DHX8: variants seen among roughly 807,000 people sequenced by gnomAD.
DHX8 encodes the protein ATP-dependent RNA helicase DHX8.
In DHX8, 67 loss-of-function variants were observed where a neutral mutation model predicts 140.7. That is an observed-to-expected ratio of 0.48 (90% CI 0.39 to 0.58). The LOEUF is 0.58. DHX8 is among the 20% of genes least tolerant of loss of function. DHX8 has a pLI of 0.00. For synonymous variants in DHX8, 533 were observed against 553.2 expected (o/e 0.96, Z 0.51); for missense variants, 887 against 1,550.7 (o/e 0.57, Z 7.19).
At chr17:43,489,652 G>A (rs1458440945) in intron 2 of DHX8, 118 bp downstream of exon 2, 3 of 652,296 alleles carry the variant, frequency 4.6e-6, no homozygotes, top group Non-Finnish European at 7.7e-6. Flanking sequence ...GTGCAGTGGC[G>A]CCACCTCAGC....
At position 43,541,872 on chromosome 17, in the gene DHX8, T is replaced by C. The variant is rs184146816; in HGVS notation, c.*21-2290T>C. On this transcript the variant is annotated intron_variant, in intron 3 of 3. Coordinates refer to the DHX8 transcript ENST00000589898. ...GACAGAAAGATGGAGAAGGAGGCAT[T>C]GTAGCTGGGAAAGATTAGGGAGGAG... Among the ~76,000 whole-genome samples the C allele has an allele frequency of 2.3e-3, 344 of 152,230 alleles. 1 individual carries two copies. Among genetic ancestry groups the C allele is most frequent in the African/African-American group, 7.9e-3 (328 of 41,544 alleles).
chr17:43,523,506 G>A (rs935857905), intron 22 of DHX8, 122 bp from the exon 23 acceptor site: 1 of 1,463,428 alleles, frequency 6.8e-7, no homozygotes, highest in Non-Finnish European at 9.2e-7. Context: ...AGTCTTATAG[G>A]TGTCAGGCAG....
At chr17:43,517,404 C>A in intron 18 of DHX8, 82 bp downstream of exon 18, 1 of 1,460,682 alleles carries the variant, frequency 6.8e-7, no homozygotes, top group Non-Finnish European at 9.2e-7. Flanking sequence ...TTTTATGAAC[C>A]TTGTTAAATA....
intron 5 of DHX8, 150 bp downstream of exon 5, chr17:43,492,442 A>C (rs1367185376): frequency 1.5e-6 from 1 of 662,850 alleles, no homozygotes; most frequent in Non-Finnish European, 2.7e-6. Flanking sequence ...CTTCCTGCTA[A>C]GTGTATGTAG....
intron 16 of DHX8, among the ~76,000 whole-genome samples, chr17:43,511,789 G>T (rs1217429718): frequency 6.7e-6 from 1 of 149,598 alleles, no homozygotes; most frequent in Non-Finnish European, 1.5e-5. Flanking sequence ...CAAGGTGGGA[G>T]GATCCCTTGA....
intron 8 of DHX8, among the ~76,000 whole-genome samples, chr17:43,494,113 G>C (rs1229707954): frequency 6.6e-6 from 1 of 152,204 alleles, no homozygotes; most frequent in African/African-American, 2.4e-5. Context: ...ATGGAGGAAG[G>C]TGAAAGGCAT....
chr17:43,527,055 T>G (rs577419849), downstream of DHX8, among the ~76,000 whole-genome samples: 2 of 152,108 alleles, frequency 1.3e-5, no homozygotes, highest in Non-Finnish European at 2.9e-5. Flanking sequence ...GCGGTTTACA[T>G]AGCAGCTGGC....
At chr17:43,489,335 T>G in intron 1 of DHX8, 114 bp from the exon 2 acceptor site, 1 of 692,692 alleles carries the variant, frequency 1.4e-6, no homozygotes, top group Non-Finnish European at 2.4e-6. Context: ...TACCAGATGG[T>G]GGTCTTTGTT....
At chr17:43,532,488 C>A (rs1438055117) in intron 2 of DHX8, among the ~76,000 whole-genome samples, 1 of 151,178 alleles carries the variant, frequency 6.6e-6, no homozygotes, top group Non-Finnish European at 1.5e-5. Flanking sequence ...CAGAGCAGGA[C>A]CCCATTTCAA....
chr17:43,520,075 C>G, intron 18 of DHX8, 55 bp from the exon 19 acceptor site: 1 of 1,597,598 alleles, frequency 6.3e-7, no homozygotes, highest in Admixed American at 1.7e-5. Context: ...TCCCCACATG[C>G]TGACACTGGC....
Position 43,491,065 on chromosome 17 carries a change from GT to G in DHX8, c.308-97del. On this transcript the variant is annotated intron_variant, in intron 3 of 22. Coordinates refer to ENST00000262415, the MANE Select transcript of DHX8 (RefSeq NM_004941.3). The stretch of plus-strand genomic sequence containing the variant: ...TAGCAAAATGCCATGTTCTGTTTCA[GT>G]TTGATACAAATCTATTGTTGAAGTT... 1.0e-5 allele frequency: 5 copies of G among 499,902 alleles called. 1 individual carries two copies. The South Asian group carries it at 2.8e-4, about 28-fold the overall frequency. 31.0% of individuals were successfully genotyped at this position (499,902 alleles called of 1,614,324 possible).
At chr17:43,497,293 AGT>A (rs1365397667) in intron 9 of DHX8, among the ~76,000 whole-genome samples, 3 of 151,304 alleles carry the variant, frequency 2.0e-5, no homozygotes, top group African/African-American at 7.3e-5. Flanking sequence ...ATTGCTATAG[AGT>A]GTTTATATAT....
At chr17:43,533,121 T>C (rs1354231624) in intron 2 of DHX8, 33 of 1,580,584 alleles carry the variant, frequency 2.1e-5, no homozygotes, top group Non-Finnish European at 2.6e-5. Context: ...CAAGTCTTTA[T>C]GGAGAACACT....
At chr17:43,532,720 C>T (rs760833600) in intron 2 of DHX8, 19 of 1,613,886 alleles carry the variant, frequency 1.2e-5, no homozygotes, top group Middle Eastern at 3.3e-4. Context: ...TCACCACCCC[C>T]GCCCCTGGGT....
intron 2 of DHX8, chr17:43,534,004 C>A: frequency 1.3e-6 from 2 of 1,510,044 alleles, no homozygotes; most frequent in Non-Finnish European, 1.8e-6. Flanking sequence ...GTGGAGGGGA[C>A]AGAGCAAGGC....
chr17:43,512,830 G>A (rs909944836), intron 16 of DHX8, among the ~76,000 whole-genome samples: 8 of 152,266 alleles, frequency 5.3e-5, no homozygotes, highest in African/African-American at 1.9e-4. Flanking sequence ...CTACACACAC[G>A]CAAACTGTGA....
At chr17:43,513,603 CT>C in intron 17 of DHX8, 101 bp downstream of exon 17, 1 of 1,274,712 alleles carries the variant, frequency 7.8e-7, no homozygotes, top group Non-Finnish European at 1.1e-6. Context: ...CAAAGATGAA[CT>C]TTTATGATAC....
chr17:43,527,690 G>A (rs779100098), downstream of DHX8, among the ~76,000 whole-genome samples: 1 of 152,230 alleles, frequency 6.6e-6, no homozygotes, highest in African/African-American at 2.4e-5. Flanking sequence ...TTTTTCAGAA[G>A]AGAAACAGTC....
In DHX8 at chr17:43,503,643, G is replaced by C. The variant is rs566628102; in HGVS notation, c.1547-1001G>C. ...TCGCCACTGCACTCCAGCCTGCTGG[G>C]CGTCTGAGCCAGACCCTGTCTCAGA... is the stretch of plus-strand genomic sequence containing the variant. On this transcript the variant is annotated intron_variant, in intron 11 of 22. Transcript: ENST00000262415. Among the ~76,000 whole-genome samples, 5 of 151,478 alleles carry C rather than the reference G, an allele frequency of 3.3e-5. No homozygotes were observed. The East Asian group carries it at 6.0e-4, about 18-fold the overall frequency.
Sources: gnomAD v4.1 joint callset for allele counts (sites outside exome capture counted in the v4.1 genomes callset) on GRCh38, gnomAD v4.1.1 for gene constraint, MANE v1.5 for transcripts, NCBI Gene and HGNC (gene_info 2026-07-23, HGNC 2026-07-21) for gene names.